ADCY8: variants seen among roughly 807,000 people sequenced by gnomAD.
ADCY8 encodes adenylate cyclase 8.
In ADCY8, 51 loss-of-function variants were observed where a neutral mutation model predicts 119.7. The ratio of observed to expected loss-of-function variants is 0.43; its 90% confidence interval spans 0.34 to 0.54. The LOEUF is 0.54. Among genes scored for constraint, ADCY8 ranks in the 20% least tolerant of loss-of-function variants. ADCY8 has a pLI of 0.03. For missense variants in ADCY8, 1,383 were observed against 1,598.8 expected, an observed-to-expected ratio of 0.87 and a Z score of 2.30; for synonymous variants, 665 against 651.0, an observed-to-expected ratio of 1.02 and a Z score of -0.33.
intron 1 of ADCY8, among the ~76,000 whole-genome samples, chr8:131,000,285 C>T (rs1468675722): frequency 6.6e-6 from 1 of 152,090 alleles, no homozygotes; most frequent in Admixed American, 6.5e-5. Context: ...ACTCAGGAGA[C>T]AGGGGTATAA....
At chr8:130,892,972 C>A (rs1032575185) in intron 7 of ADCY8, among the ~76,000 whole-genome samples, 4 of 152,134 alleles carry the variant, frequency 2.6e-5, no homozygotes, top group Non-Finnish European at 5.9e-5. Context: ...AATCTATTAG[C>A]TAATCCTAGA....
intron 5 of ADCY8, among the ~76,000 whole-genome samples, chr8:130,921,692 A>G (rs941211043): frequency 1.3e-5 from 2 of 152,068 alleles, no homozygotes; most frequent in Admixed American, 1.3e-4. Flanking sequence ...ATCTCAGGTG[A>G]TCTGCCTGCC....
intron 15 of ADCY8, among the ~76,000 whole-genome samples, chr8:130,788,324 C>T (rs138474152): frequency 1.5e-3 from 230 of 152,268 alleles, no homozygotes; most frequent in Middle Eastern, 6.8e-3. Flanking sequence ...AGAAGGAAAT[C>T]CTGTCATTTT....
chr8:130,856,080 G>A (rs1038620675), intron 9 of ADCY8, among the ~76,000 whole-genome samples: 2 of 151,868 alleles, frequency 1.3e-5, no homozygotes, highest in Non-Finnish European at 2.9e-5. Context: ...ATCCTTCTCA[G>A]TCTTTTTCCA....
At chr8:130,878,235 G>C (rs1389950212) in intron 8 of ADCY8, among the ~76,000 whole-genome samples, 1 of 152,092 alleles carries the variant, frequency 6.6e-6, no homozygotes, top group African/African-American at 2.4e-5. Flanking sequence ...ATACTGGTGA[G>C]CGAAATGAGG....
chr8:130,879,197 C>T (rs905200100), intron 8 of ADCY8, among the ~76,000 whole-genome samples: 1 of 152,156 alleles, frequency 6.6e-6, no homozygotes, highest in South Asian at 2.1e-4. Flanking sequence ...GAAACATCAC[C>T]TTCTTGTAAG....
intron 5 of ADCY8, among the ~76,000 whole-genome samples, chr8:130,922,946 T>C (rs1820359640): frequency 6.6e-6 from 1 of 152,234 alleles, no homozygotes; most frequent in South Asian, 2.1e-4. Context: ...TCACAGAGTT[T>C]TGGTATTTGT....
intron 1 of ADCY8, among the ~76,000 whole-genome samples, chr8:131,024,178 C>T (rs1253437257): frequency 6.6e-6 from 1 of 152,158 alleles, no homozygotes; most frequent in African/African-American, 2.4e-5. Context: ...CCTTGTGGAC[C>T]ACTGTCGCGT....
At position 130,960,963 on chromosome 8, in the gene ADCY8, C is replaced by T. The variant is rs372742193; in HGVS notation, c.1111-8965G>A. Among the ~76,000 whole-genome samples, 40 of 152,236 alleles carry T rather than the reference C, an allele frequency of 2.6e-4. 1 individual carries two copies. The highest frequency in any genetic ancestry group is 2.1e-3 in the East Asian group (11 of 5,160). On this transcript the variant is annotated intron_variant, in intron 2 of 17. Transcript: ENST00000286355. Reference sequence around the variant, plus strand: ...TATTATGCCACTTACCGAATTTAAACCCTGCTGTTCTTAGGAGAAATTCCA... The same window carrying T: ...TATTATGCCACTTACCGAATTTAAATCCTGCTGTTCTTAGGAGAAATTCCA...
chr8:130,862,996 G>A (rs748142204), intron 9 of ADCY8, among the ~76,000 whole-genome samples: 13 of 152,248 alleles, frequency 8.5e-5, no homozygotes, highest in Non-Finnish European at 1.8e-4. Flanking sequence ...ATATTGATTA[G>A]GTAAATTCAG....
In ADCY8 at chr8:130,837,309, A is replaced by G. The variant is rs74798657; in HGVS notation, c.2503-860T>C. Among the ~76,000 whole-genome samples the G allele has an allele frequency of 1.4e-4, 22 of 152,104 alleles. No individual in the cohort carries two copies. The East Asian group carries it at 4.3e-3, about 29-fold the overall frequency. ...AGCTCACAAGGCCATCATATATCAG[A>G]TTTCCTTTCATTCTCTAAACCCTTC... On this transcript the variant is annotated intron_variant, in intron 11 of 17. Coordinates refer to ENST00000286355, the MANE Select transcript of ADCY8 (RefSeq NM_001115.3).
At chr8:130,866,505 A>G (rs763126391) in intron 9 of ADCY8, among the ~76,000 whole-genome samples, 1 of 152,138 alleles carries the variant, frequency 6.6e-6, no homozygotes, top group Non-Finnish European at 1.5e-5. Context: ...GCCCTTTGCT[A>G]TTGGCTCTTA....
At chr8:130,835,341 T>A (rs1005743906) in intron 12 of ADCY8, among the ~76,000 whole-genome samples, 2 of 152,228 alleles carry the variant, frequency 1.3e-5, no homozygotes, top group Non-Finnish European at 2.9e-5. Context: ...TGCCTTCCTC[T>A]GTCCTGAGAC....
intron 3 of ADCY8, among the ~76,000 whole-genome samples, chr8:130,945,817 T>C (rs1345275587): frequency 2.0e-5 from 3 of 152,232 alleles, no homozygotes; most frequent in South Asian, 2.1e-4. Flanking sequence ...GTATTCACTG[T>C]GGACTTGGTA....
At chr8:130,864,792 T>C (rs1818057315) in intron 9 of ADCY8, among the ~76,000 whole-genome samples, 1 of 152,178 alleles carries the variant, frequency 6.6e-6, no homozygotes, top group Non-Finnish European at 1.5e-5. Context: ...ATTAGAACCT[T>C]TAATATATTA....
intron 14 of ADCY8, among the ~76,000 whole-genome samples, chr8:130,813,634 A>G (rs1816240350): frequency 1.3e-5 from 2 of 152,170 alleles, no homozygotes; most frequent in Non-Finnish European, 2.9e-5. Context: ...CTATTCGTCC[A>G]TCAGTGGACC....
At chr8:130,847,659 G>A in intron 10 of ADCY8, 146 bp from the exon 11 acceptor site, 1 of 630,242 alleles carries the variant, frequency 1.6e-6, no homozygotes. Context: ...GAGGGGACTT[G>A]AAGTCAGAAT....
intron 1 of ADCY8, among the ~76,000 whole-genome samples, chr8:131,019,985 G>A (rs1227604082): frequency 3.9e-5 from 6 of 152,102 alleles, no homozygotes; most frequent in Non-Finnish European, 8.8e-5. Context: ...CTTGAGCTGA[G>A]AATGAGGGAA....
intron 2 of ADCY8, among the ~76,000 whole-genome samples, chr8:130,989,954 G>A (rs1822522991): frequency 6.6e-6 from 1 of 152,112 alleles, no homozygotes; most frequent in South Asian, 2.1e-4. Flanking sequence ...TAAAAATCAG[G>A]TTGTGGTTTT....
Sources: allele counts gnomAD v4.1 joint callset (sites outside exome capture counted in the v4.1 genomes callset), GRCh38; gene constraint gnomAD v4.1.1; transcripts MANE v1.5; gene names NCBI Gene and HGNC (gene_info 2026-07-23, HGNC 2026-07-21).